The following GPHN variants were observed in gnomAD, a reference collection of about 807,000 sequenced individuals.
GPHN encodes gephyrin.
In GPHN, 17 loss-of-function variants were observed where a neutral mutation model predicts 95.5. The ratio of observed to expected loss-of-function variants is 0.18; its 90% CI spans 0.12 to 0.27. The LOEUF is 0.27. Ranked by LOEUF, GPHN falls within the 10% of genes least tolerant of loss-of-function variation. The pLI, the probability that GPHN is intolerant of heterozygous loss-of-function variation, is 1.00. For missense variants in GPHN, 660 were observed against 978.1 expected (o/e 0.67, Z 4.34); for synonymous variants, 320 against 322.5 (o/e 0.99, Z 0.08).
the GPHN span, among the ~76,000 whole-genome samples, chr14:67,492,922 T>G: frequency 6.6e-6 from 1 of 152,262 alleles, no homozygotes; most frequent in East Asian, 1.9e-4. Context: ...GCTCTAAACA[T>G]ACTATAAGTT....
At chr14:66,800,480 C>T (rs1162916460) in intron 3 of GPHN, among the ~76,000 whole-genome samples, 1 of 152,084 alleles carries the variant, frequency 6.6e-6, no homozygotes, top group Non-Finnish European at 1.5e-5. Context: ...CTTCTTTCAG[C>T]ACTATAAATA....
At chr14:67,674,682 C>A in the GPHN span, 1 of 461,004 alleles carries the variant, frequency 2.2e-6, no homozygotes, top group Non-Finnish European at 3.8e-6. Context: ...CCAGTGATTG[C>A]TGGAGCGCCG....
At chr14:67,099,493 A>G (rs1385466778) in intron 12 of GPHN, among the ~76,000 whole-genome samples, 1 of 152,174 alleles carries the variant, frequency 6.6e-6, no homozygotes, top group Non-Finnish European at 1.5e-5. Context: ...ACATTACAAT[A>G]AAACTCTTCT....
At chr14:67,331,550 T>C in the GPHN span, among the ~76,000 whole-genome samples, 647 of 152,296 alleles carry the variant, frequency 4.2e-3, 7 homozygotes, top group African/African-American at 0.015. Flanking sequence ...TATGAACTTA[T>C]TGTCAGTTTT....
intron 3 of GPHN, among the ~76,000 whole-genome samples, chr14:66,805,994 C>G (rs1350788411): frequency 1.3e-5 from 2 of 152,254 alleles, no homozygotes; most frequent in African/African-American, 4.8e-5. Flanking sequence ...ACTGCCCTAG[C>G]AGAGGTTCTG....
Position 67,058,728 on chromosome 14 carries a change from CT to C in GPHN, c.1089del (p.Phe363LeufsTer7). 6.2e-7 allele frequency: 1 copy of C among 1,613,536 alleles called. No individual in the cohort carries two copies. Among genetic ancestry groups the C allele is most frequent in the South Asian group, 1.1e-5 (1 of 91,056 alleles). On this transcript the variant is annotated frameshift_variant, in exon 11 of 23. Transcript: ENST00000478722. LOFTEE classifies it high-confidence loss of function. ...TTCCTCTGACATCTATGGACAAAGC[CT>C]TTATCACAGTCCTGGAGATGACTCC... ...PFPLTSMDKA[F>X]ITVLEMTPVL...
chr14:66,557,237 GTAGATAGATAGA>G lies in GPHN; in HGVS notation c.64+48683_64+48694del, dbSNP rs201752462. ...GATAGATAGATAGATACATAGGTAG[GTAGATAGATAGA>G]TAGATAGATAGATAGATAGATAGAT... On this transcript the variant is annotated intron_variant, in intron 1 of 22. Transcript: ENST00000478722. Among the ~76,000 whole-genome samples, 710 of 142,002 alleles carry G rather than the reference GTAGATAGATAGA, an allele frequency of 5.0e-3. 4 individuals are homozygous for G. The highest frequency in any genetic ancestry group is 8.2e-3 in the Non-Finnish European group (538 of 65,298). 93.2% of individuals were successfully genotyped at this position (142,002 alleles called of 152,430 possible). A position where few individuals can be genotyped will look rare whatever the true frequency, so the allele number is the denominator to read the frequency against.
At chr14:66,782,143 T>C (rs2153464304) in intron 3 of GPHN, among the ~76,000 whole-genome samples, 1 of 152,306 alleles carries the variant, frequency 6.6e-6, no homozygotes, top group East Asian at 1.9e-4. Context: ...TGAGGGATAA[T>C]TCTTAATGAA....
At chr14:66,759,096 G>A (rs979062356) in intron 2 of GPHN, among the ~76,000 whole-genome samples, 3 of 152,102 alleles carry the variant, frequency 2.0e-5, no homozygotes, top group African/African-American at 7.2e-5. Flanking sequence ...TATTTTTCAC[G>A]TAGGCTTTTA....
the GPHN span, chr14:67,647,046 T>G: frequency 6.6e-7 from 1 of 1,510,748 alleles, no homozygotes; most frequent in East Asian, 2.3e-5. Flanking sequence ...ATAACTGATG[T>G]CAGGGCAAAC....
At chr14:67,646,445 T>A in the GPHN span, 1 of 561,734 alleles carries the variant, frequency 1.8e-6, no homozygotes, top group Non-Finnish European at 3.2e-6. Flanking sequence ...AAAGCAATAC[T>A]GTGTTCCTCA....
At chr14:66,975,922 T>A (rs1018681741) in intron 9 of GPHN, among the ~76,000 whole-genome samples, 2 of 152,196 alleles carry the variant, frequency 1.3e-5, no homozygotes, top group Non-Finnish European at 2.9e-5. Context: ...CCTCAGTTTC[T>A]GTTATTTGTA....
intron 8 of GPHN, among the ~76,000 whole-genome samples, chr14:66,947,104 C>T (rs1716201026): frequency 6.6e-6 from 1 of 152,204 alleles, no homozygotes; most frequent in Non-Finnish European, 1.5e-5. Flanking sequence ...TATAATCTGG[C>T]TCCTCCCTGA....
At chr14:67,193,333 TATAG>T in the GPHN span, among the ~76,000 whole-genome samples, 3 of 138,808 alleles carry the variant, frequency 2.2e-5, no homozygotes, top group South Asian at 2.3e-4. Flanking sequence ...TATATCTCTA[TATAG>T]ATATCTATCT....
At chr14:66,582,565 T>C (rs1359113658) in intron 1 of GPHN, among the ~76,000 whole-genome samples, 4 of 151,250 alleles carry the variant, frequency 2.6e-5, no homozygotes, top group African/African-American at 9.7e-5. Flanking sequence ...CCCCAGTGTG[T>C]GATGTTCCCC....
the GPHN span, among the ~76,000 whole-genome samples, chr14:67,627,940 A>C: frequency 4.5e-4 from 69 of 152,342 alleles, no homozygotes; most frequent in African/African-American, 1.6e-3. Flanking sequence ...TTTGACTTCT[A>C]AAGTCACTCT....
chr14:66,510,083 G>T (rs917105537), intron 1 of GPHN, among the ~76,000 whole-genome samples: 8 of 152,202 alleles, frequency 5.3e-5, no homozygotes, highest in African/African-American at 1.9e-4. Context: ...CCCCAAATCA[G>T]AAGGTGCGCT....
chr14:67,581,163 G>A, the GPHN span: 4 of 647,608 alleles, frequency 6.2e-6, no homozygotes, highest in Non-Finnish European at 8.4e-6. Context: ...ACACTGCCTG[G>A]CAGTCACTAG....
chr14:67,211,024 A>G, the GPHN span, among the ~76,000 whole-genome samples: 2 of 152,002 alleles, frequency 1.3e-5, 1 homozygote, highest in East Asian at 3.9e-4. Flanking sequence ...AACAGAGAAT[A>G]AGCTTTGCAG....
Sources: gnomAD v4.1 joint callset for allele counts (sites outside exome capture counted in the v4.1 genomes callset) on GRCh38, gnomAD v4.1.1 for gene constraint, MANE v1.5 for transcripts, NCBI Gene and HGNC (gene_info 2026-07-23, HGNC 2026-07-21) for gene names.